Variants in ODF2L observed in about 807,000 individuals in gnomAD.
The protein encoded by ODF2L is outer dense fiber of sperm tails 2 like.
Under a neutral mutation model 86.3 loss-of-function variants are expected in ODF2L, and 76 were observed. That is an observed-to-expected ratio of 0.88 (90% confidence interval 0.73 to 1.07). The LOEUF is 1.07. ODF2L is among the 50% of genes least tolerant of loss of function. ODF2L has a pLI of 0.00. For missense variants in ODF2L, 748 were observed against 717.4 expected, an observed-to-expected ratio of 1.04 and a Z score of -0.49; for synonymous variants, 241 against 231.3, an observed-to-expected ratio of 1.04 and a Z score of -0.38.
chr1:86,357,207 T>C (rs192755584), intron 13 of ODF2L, among the ~76,000 whole-genome samples: 8 of 152,306 alleles, frequency 5.3e-5, no homozygotes, highest in Admixed American at 4.6e-4. Flanking sequence ...TGCAGCACTT[T>C]CGTGGAGATG....
In ODF2L at chr1:86,382,388, A is replaced by G. The variant is rs748614909; in HGVS notation, c.508-30T>C. The G allele has an allele frequency of 6.8e-6, 11 of 1,606,478 alleles. No individual in the cohort carries two copies. In the East Asian group the frequency reaches 2.2e-4, roughly 33 times the overall value. On this transcript the variant is annotated intron_variant, in intron 6 of 17. Transcript: ENST00000317336. ...AACAAAGAGAAAGAGAAAACCAAAA[A>G]AATCCATATTATTTGCTGTATCCCC...
At chr1:86,352,607 T>C (rs1309353785) in intron 17 of ODF2L, among the ~76,000 whole-genome samples, 3 of 152,186 alleles carry the variant, frequency 2.0e-5, no homozygotes, top group Non-Finnish European at 4.4e-5. Context: ...TAAGCAGATG[T>C]CATTGCAAAA....
At chr1:86,382,899 G>A (rs2101313387) in intron 6 of ODF2L, 32 bp downstream of exon 6, 3 of 1,096,280 alleles carry the variant, frequency 2.7e-6, no homozygotes, top group East Asian at 2.4e-5. Context: ...TTAATATAAT[G>A]AATTAAGCTC....
chr1:86,376,201 C>A (rs367894047), intron 8 of ODF2L, 32 bp downstream of exon 8: 617 of 1,269,556 alleles, frequency 4.9e-4, no homozygotes, highest in Non-Finnish European at 6.6e-4. Flanking sequence ...CATAATAGAT[C>A]TTTTAATTTT....
intron 10 of ODF2L, among the ~76,000 whole-genome samples, chr1:86,369,016 G>A (rs1490789863): frequency 6.6e-6 from 1 of 152,012 alleles, no homozygotes; most frequent in Admixed American, 6.6e-5. Context: ...AGGAATGTGA[G>A]GTCAATGATC....
At chr1:86,376,610 A>C (rs1462690386) in intron 7 of ODF2L, among the ~76,000 whole-genome samples, 192 bp from the exon 8 acceptor site, 1 of 152,194 alleles carries the variant, frequency 6.6e-6, no homozygotes, top group African/African-American at 2.4e-5. Flanking sequence ...ACGGCTGGGA[A>C]GATCTCAGGA....
chr1:86,372,897 C>A lies in ODF2L; in HGVS notation c.811-357G>T, dbSNP rs567037534. Among the ~76,000 whole-genome samples, 8 of 152,156 alleles carry A rather than the reference C, an allele frequency of 5.3e-5. 1 individual carries two copies. Among genetic ancestry groups the A allele is most frequent in the African/African-American group, 1.9e-4 (8 of 41,524 alleles). On this transcript the variant is annotated intron_variant, in intron 8 of 17. Coordinates refer to ENST00000317336, the Ensembl canonical transcript of ODF2L. ...AAACCAAATATCGTATGTTCTCACTCATAAGTGGGAGCTAAGCTATGAAAA... is the reference window on the plus strand; with the variant it reads ...AAACCAAATATCGTATGTTCTCACTAATAAGTGGGAGCTAAGCTATGAAAA...
chr1:86,364,162 A>G (rs1199601850), intron 11 of ODF2L, among the ~76,000 whole-genome samples: 1 of 151,896 alleles, frequency 6.6e-6, no homozygotes, highest in Non-Finnish European at 1.5e-5. Context: ...AAACTAGTTT[A>G]TAATATCTTT....
At chr1:86,390,509 G>A (rs1661248368) in intron 1 of ODF2L, among the ~76,000 whole-genome samples, 1 of 152,142 alleles carries the variant, frequency 6.6e-6, no homozygotes, top group African/African-American at 2.4e-5. Context: ...TCATACTACA[G>A]ATGCAGGGAT....
intron 10 of ODF2L, 76 bp downstream of exon 10, chr1:86,370,942 T>G: frequency 1.1e-6 from 1 of 934,190 alleles, no homozygotes; most frequent in Non-Finnish European, 1.5e-6. Context: ...AACATACTCT[T>G]TCTTCAAGCT....
chr1:86,378,496 A>C (rs1319993848), intron 7 of ODF2L, among the ~76,000 whole-genome samples: 1 of 152,200 alleles, frequency 6.6e-6, no homozygotes, highest in Non-Finnish European at 1.5e-5. Context: ...TAACTGTATT[A>C]GTCCATTCTC....
At position 86,379,920 on chromosome 1, in the gene ODF2L, A is replaced by G. The variant is rs1173952121; in HGVS notation, c.624+2322T>C. 6.6e-5 allele frequency among the ~76,000 whole-genome samples: 10 copies of G among 152,148 alleles called. No individual in the cohort carries two copies. In the East Asian group the frequency reaches 1.7e-3, roughly 26 times the overall value. On this transcript the variant is annotated intron_variant, in intron 7 of 17. Coordinates refer to ENST00000317336, the Ensembl canonical transcript of ODF2L. ...TCTTGGTGACATGATGAGAGACGGA[A>G]TATTAGGCTGGGTAGATGAGGGATG...
intron 1 of ODF2L, among the ~76,000 whole-genome samples, chr1:86,388,629 T>C (rs944141609): frequency 6.6e-6 from 1 of 152,078 alleles, no homozygotes; most frequent in African/African-American, 2.4e-5. Context: ...AAAAGACAAA[T>C]GGTTCCCATA....
At chr1:86,354,002 G>A (rs1658344036) in intron 16 of ODF2L, among the ~76,000 whole-genome samples, 1 of 152,206 alleles carries the variant, frequency 6.6e-6, no homozygotes, top group Non-Finnish European at 1.5e-5. Context: ...AATGCACTTA[G>A]GCTGAACCCT....
intron 1 of ODF2L, 77 bp from the exon 2 acceptor site, chr1:86,387,163 A>G: frequency 2.0e-6 from 1 of 494,684 alleles, no homozygotes; most frequent in Non-Finnish European, 3.5e-6. Flanking sequence ...AATAAAGGTT[A>G]TAAGGATGTG....
chr1:86,353,921 G>A (rs1658337714), intron 16 of ODF2L, among the ~76,000 whole-genome samples: 1 of 152,158 alleles, frequency 6.6e-6, no homozygotes, highest in Non-Finnish European at 1.5e-5. Context: ...AAAGGAGAGG[G>A]CAGACATACC....
At position 86,354,861 on chromosome 1, in the gene ODF2L, T is replaced by TA. The variant is rs750108773; in HGVS notation, c.1519-3dup. ...CAGAAGATTGTGATTTCCATCAACC[T>TA]AAAAGAAAAAAAAAAGTTTTCTTAG... On this transcript the variant is annotated splice_polypyrimidine_tract_variant and splice_region_variant and intron_variant, in intron 14 of 17. Transcript: ENST00000317336. The TA allele has an allele frequency of 6.4e-7, 1 of 1,553,558 alleles. No individual in the cohort carries two copies. The highest frequency in any genetic ancestry group is 1.4e-5 in the African/African-American group (1 of 72,498).
intron 7 of ODF2L, 37 bp downstream of exon 7, chr1:86,382,204 AC>A: frequency 6.5e-7 from 1 of 1,531,752 alleles, no homozygotes; most frequent in Non-Finnish European, 8.7e-7. Flanking sequence ...TAATTTTATC[AC>A]TTAAGCTATA....
At chr1:86,395,891 G>A (rs1412794001) in intron 1 of ODF2L, 142 bp downstream of exon 1, 3 of 152,248 alleles carry the variant, frequency 2.0e-5, no homozygotes, top group Non-Finnish European at 2.9e-5. Flanking sequence ...TTGCGCGGAG[G>A]GGGCTGGGTG....
Sources: allele counts gnomAD v4.1 joint callset (sites outside exome capture counted in the v4.1 genomes callset), GRCh38; gene constraint gnomAD v4.1.1; transcripts MANE v1.5; gene names NCBI Gene and HGNC (gene_info 2026-07-23, HGNC 2026-07-21).